The following SMG7 variants were observed in gnomAD, a reference collection of about 807,000 sequenced individuals.
The protein encoded by SMG7 is nonsense-mediated mRNA decay factor SMG7.
SMG7 carries 34 observed loss-of-function variants against 148.2 expected under a neutral mutation model. The ratio of observed to expected loss-of-function variants is 0.23; its 90% CI spans 0.17 to 0.31. SMG7 has a LOEUF of 0.31. Ranked by LOEUF, SMG7 falls within the 10% of genes least tolerant of loss-of-function variation. The probability of loss-of-function intolerance (pLI) is 1.00; values close to 1 mark genes in which losing one functional copy is unlikely to be tolerated. For synonymous variants in SMG7, 492 were observed against 515.1 expected (o/e 0.96, Z 0.61); for missense variants, 1,114 against 1,408.4 (o/e 0.79, Z 3.35).
At chr1:183,544,524 C>T in intron 15 of SMG7, 27 bp downstream of exon 15, 1 of 1,608,154 alleles carries the variant, frequency 6.2e-7, no homozygotes, top group South Asian at 1.1e-5. Flanking sequence ...ATTTCTTCTA[C>T]TTAATCTTTT....
chr1:183,475,892 T>C (rs1247708131), intron 1 of SMG7, among the ~76,000 whole-genome samples: 1 of 152,110 alleles, frequency 6.6e-6, no homozygotes, highest in Admixed American at 6.5e-5. Flanking sequence ...AAAAAATGAA[T>C]ACAATGATAT....
At chr1:183,488,397 T>C (rs766977005) in intron 1 of SMG7, among the ~76,000 whole-genome samples, 78 of 152,308 alleles carry the variant, frequency 5.1e-4, no homozygotes, top group Non-Finnish European at 7.5e-4. Context: ...GAATAGTTGA[T>C]AGAGGAAGGT....
In SMG7 at chr1:183,517,722, C is replaced by T; in HGVS notation, c.214C>T (p.Leu72=). 2 of 1,613,978 alleles carry T rather than the reference C, an allele frequency of 1.2e-6. No individual in the cohort carries two copies. The highest frequency in any genetic ancestry group is 1.7e-6 in the Non-Finnish European group (2 of 1,179,874). Residue 72 remains leucine (L), a synonymous_variant, in exon 4 of 23, where the codon CTG becomes TTG. Coordinates refer to ENST00000688051, the MANE Select transcript of SMG7 (RefSeq NM_001375584.1). ...CGCCTTTAAGAATCAGATCACAACA[C>T]TGCAAGGCCAGGCAAAGAATCGAGC... ...NHAFKNQITT[L]QGQAKNRANP...
chr1:183,481,278 A>G (rs907406056), intron 1 of SMG7, among the ~76,000 whole-genome samples: 2 of 152,064 alleles, frequency 1.3e-5, no homozygotes, highest in African/African-American at 4.8e-5. Flanking sequence ...TTCCCATGTC[A>G]TTTCCCATGT....
chr1:183,544,194 G>T (rs939754858), intron 14 of SMG7, among the ~76,000 whole-genome samples, 159 bp from the exon 15 acceptor site: 1 of 152,028 alleles, frequency 6.6e-6, no homozygotes, highest in African/African-American at 2.4e-5. Flanking sequence ...TAAATAATTT[G>T]CTTTGATTTT....
intron 1 of SMG7, among the ~76,000 whole-genome samples, chr1:183,496,300 A>G (rs1465229366): frequency 7.9e-5 from 12 of 152,134 alleles, no homozygotes; most frequent in South Asian, 2.1e-4. Flanking sequence ...ACAAGTCCCT[A>G]TGGCCCTCAT....
intron 1 of SMG7, among the ~76,000 whole-genome samples, chr1:183,482,519 C>T (rs903340902): frequency 1.3e-5 from 2 of 151,602 alleles, no homozygotes; most frequent in Non-Finnish European, 2.9e-5. Flanking sequence ...TACAGTAGTC[C>T]TCCCTTAATT....
intron 1 of SMG7, among the ~76,000 whole-genome samples, chr1:183,499,899 T>C (rs1034747427): frequency 6.6e-6 from 1 of 152,200 alleles, no homozygotes; most frequent in Non-Finnish European, 1.5e-5. Context: ...TGTGCAAGCA[T>C]CTGATTACTT....
intron 1 of SMG7, among the ~76,000 whole-genome samples, chr1:183,503,419 T>TA (rs925952317): frequency 1.4e-4 from 21 of 151,292 alleles, no homozygotes; most frequent in South Asian, 4.2e-4. Flanking sequence ...TGGAGAAAAA[T>TA]AAAAAAAAAT....
chr1:183,513,041 T>G (rs578168902), intron 2 of SMG7, 173 bp downstream of exon 2: 1 of 573,840 alleles, frequency 1.7e-6, no homozygotes, highest in South Asian at 3.2e-5. Flanking sequence ...AATTCTTGCT[T>G]AAATAACTGT....
chr1:183,533,280 T>C lies in SMG7; in HGVS notation c.960T>C (p.Tyr320=), dbSNP rs145400495. The change falls in exon 9 of 23, where the codon TAT becomes TAC. Residue 320 remains tyrosine (Y), a synonymous_variant. Coordinates refer to ENST00000688051, the MANE Select transcript of SMG7 (RefSeq NM_001375584.1). ...GCAATGAAACCGAGCAGCACACTTATAGCCAAGATGAGCAGCTATGTTGGA... is the reference window on the plus strand; with the variant it reads ...GCAATGAAACCGAGCAGCACACTTACAGCCAAGATGAGCAGCTATGTTGGA... ...DFSNETEQHT[Y]SQDEQLCWTQ... is the part of the protein sequence containing the mutation. 872 of 1,613,974 alleles carry C rather than the reference T, an allele frequency of 5.4e-4. 1 individual carries two copies. The highest frequency in any genetic ancestry group is 2.9e-3 in the Admixed American group (174 of 60,024).
intron 1 of SMG7, among the ~76,000 whole-genome samples, chr1:183,497,261 A>G (rs1264246194): frequency 2.0e-5 from 3 of 152,158 alleles, no homozygotes; most frequent in African/African-American, 7.2e-5. Flanking sequence ...TGGGCCCTCA[A>G]CTGGAATGGC....
At chr1:183,532,656 TATAAA>T (rs1667075272) in intron 8 of SMG7, among the ~76,000 whole-genome samples, 1 of 152,228 alleles carries the variant, frequency 6.6e-6, no homozygotes, top group African/African-American at 2.4e-5. Context: ...ATGCCTTGTT[TATAAA>T]ATAAGTTTTA....
intron 1 of SMG7, among the ~76,000 whole-genome samples, chr1:183,474,832 T>G (rs1651741235): frequency 6.6e-6 from 1 of 152,230 alleles, no homozygotes; most frequent in African/African-American, 2.4e-5. Flanking sequence ...AGGATATTGT[T>G]CATCCTTAAT....
chr1:183,505,745 C>G (rs1352307874), intron 1 of SMG7, among the ~76,000 whole-genome samples: 1 of 152,220 alleles, frequency 6.6e-6, no homozygotes, highest in Non-Finnish European at 1.5e-5. Context: ...TCTTTACCTT[C>G]TCATATACCC....
chr1:183,484,330 T>TA (rs1381548747), intron 1 of SMG7, among the ~76,000 whole-genome samples: 25 of 152,028 alleles, frequency 1.6e-4, no homozygotes, highest in African/African-American at 9.6e-5. Context: ...ATTTGTATTT[T>TA]AAAAAATTGT....
At chr1:183,473,724 C>T in intron 1 of SMG7, 1 of 984,830 alleles carries the variant, frequency 1.0e-6, no homozygotes, top group Non-Finnish European at 1.2e-6. Flanking sequence ...CTTTCAGGAG[C>T]AGAACTAAGA....
intron 8 of SMG7, 40 bp downstream of exon 8, chr1:183,529,573 T>G (rs1558031172): frequency 6.4e-7 from 1 of 1,561,330 alleles, no homozygotes; most frequent in East Asian, 2.3e-5. Context: ...CTTGTCTAAA[T>G]CAGGAAGCAT....
chr1:183,486,032 T>G (rs564059570), intron 1 of SMG7, among the ~76,000 whole-genome samples: 3 of 152,368 alleles, frequency 2.0e-5, no homozygotes, highest in Admixed American at 2.0e-4. Flanking sequence ...GACTTTACAT[T>G]GCTCTTGAAA....
Sources: allele counts gnomAD v4.1 joint callset (sites outside exome capture counted in the v4.1 genomes callset), GRCh38; gene constraint gnomAD v4.1.1; transcripts MANE v1.5; gene names NCBI Gene and HGNC (gene_info 2026-07-23, HGNC 2026-07-21).